PTPN9: variants seen among roughly 807,000 people sequenced by gnomAD.
PTPN9 encodes protein tyrosine phosphatase non-receptor type 9, also known as tyrosine-protein phosphatase non-receptor type 9.
PTPN9 carries 26 observed loss-of-function variants against 69.8 expected under a neutral mutation model. That is an observed-to-expected ratio of 0.37 (90% CI 0.27 to 0.52). The LOEUF is 0.52. Ranked by LOEUF, PTPN9 falls within the 20% of genes least tolerant of loss-of-function variation. The probability of loss-of-function intolerance (pLI) is 0.91; values close to 1 mark genes in which losing one functional copy is unlikely to be tolerated. For synonymous variants in PTPN9, 274 were observed against 272.5 expected, an observed-to-expected ratio of 1.01 and a Z score of -0.05; for missense variants, 549 against 740.3, an observed-to-expected ratio of 0.74 and a Z score of 3.00.
chr15:75,559,034 G>A (rs1279199708), intron 1 of PTPN9, among the ~76,000 whole-genome samples: 1 of 151,706 alleles, frequency 6.6e-6, no homozygotes, highest in Non-Finnish European at 1.5e-5. Context: ...TGCCAGGTCT[G>A]GGAAGTGAGG....
intron 9 of PTPN9, 35 bp downstream of exon 9, chr15:75,479,813 C>T (rs2074617816): frequency 6.5e-7 from 1 of 1,531,826 alleles, no homozygotes; most frequent in Non-Finnish European, 8.9e-7. Flanking sequence ...AAGTAGATGG[C>T]ACAAAATCAA....
rs904660595 is a variant in PTPN9 at position 75,564,854 on chromosome 15, G to A, written c.63+13860C>T. ...CACGGTGGCTCACGACTGTAATCCCGGCACTTTGGGAGCCTGAGGCGGGCA... is the reference window on the plus strand; with the variant it reads ...CACGGTGGCTCACGACTGTAATCCCAGCACTTTGGGAGCCTGAGGCGGGCA... On this transcript the variant is annotated intron_variant, in intron 1 of 12. Transcript: ENST00000618819. Among the ~76,000 whole-genome samples the A allele has an allele frequency of 6.0e-5, 9 of 151,228 alleles. No individual in the cohort carries two copies. The South Asian group carries it at 8.4e-4, about 14-fold the overall frequency.
chr15:75,506,894 T>C (rs1437053808), intron 6 of PTPN9, among the ~76,000 whole-genome samples: 2 of 151,990 alleles, frequency 1.3e-5, no homozygotes, highest in African/African-American at 4.8e-5. Context: ...CTGTGAAGTC[T>C]TTCCTGACTG....
At chr15:75,576,104 C>T (rs1350244144) in intron 1 of PTPN9, among the ~76,000 whole-genome samples, 3 of 149,500 alleles carry the variant, frequency 2.0e-5, no homozygotes, top group South Asian at 2.2e-4. Context: ...GTGGCACGCA[C>T]GCCTGAAGTC....
At chr15:75,476,504 G>A (rs1467189639) in intron 9 of PTPN9, among the ~76,000 whole-genome samples, 1 of 152,054 alleles carries the variant, frequency 6.6e-6, no homozygotes, top group African/African-American at 2.4e-5. Context: ...TAGTAGAGAG[G>A]GGGTTTCATC....
At chr15:75,486,959 T>C (rs1273364751) in intron 8 of PTPN9, among the ~76,000 whole-genome samples, 1 of 151,824 alleles carries the variant, frequency 6.6e-6, no homozygotes, top group Non-Finnish European at 1.5e-5. Context: ...TAATTTTTTG[T>C]ATTTTTTAGT....
rs368851925 is a variant in PTPN9, at chr15:75,480,814, G to A, written c.1063-900C>T. On this transcript the variant is annotated intron_variant, in intron 8 of 12. Coordinates refer to ENST00000618819, the MANE Select transcript of PTPN9 (RefSeq NM_002833.4). ...GCGGCTGGAGGAGCGGACGGGCCCC[G>A]CGGGGCCCGAGGGCAAGGAGCAGCC... The A allele has an allele frequency of 5.9e-3, 3,614 of 613,700 alleles. 130 individuals carry two copies. In the East Asian group the frequency reaches 0.11, roughly 19 times the overall value. 38.0% of individuals were successfully genotyped at this position (613,700 alleles called of 1,614,324 possible). A position where few individuals can be genotyped will look rare whatever the true frequency, so the allele number is the denominator to read the frequency against.
At chr15:75,515,856 C>T (rs1466606141) in intron 5 of PTPN9, among the ~76,000 whole-genome samples, 1 of 151,900 alleles carries the variant, frequency 6.6e-6, no homozygotes, top group African/African-American at 2.4e-5. Flanking sequence ...GACATCGCGC[C>T]ACCGCACTCC....
At chr15:75,524,095 T>TAA (rs2074916398) in intron 3 of PTPN9, 114 bp downstream of exon 3, 1 of 403,476 alleles carries the variant, frequency 2.5e-6, no homozygotes. Flanking sequence ...CCCTAAAACT[T>TAA]AAAGTATAAT....
intron 7 of PTPN9, among the ~76,000 whole-genome samples, chr15:75,496,498 C>CTT (rs34799690): frequency 1.4e-5 from 2 of 146,692 alleles, no homozygotes; most frequent in Non-Finnish European, 3.0e-5. Context: ...GTATTATTAA[C>CTT]TTTTTTTTTT....
chr15:75,520,484 G>GATAGATAA (rs1567500031), intron 4 of PTPN9, among the ~76,000 whole-genome samples: 40 of 62,878 alleles, frequency 6.4e-4, no homozygotes, highest in African/African-American at 1.9e-3. Context: ...ATAGATAGAT[G>GATAGATAA]TGTGTGTGTT....
intron 1 of PTPN9, among the ~76,000 whole-genome samples, chr15:75,574,338 C>A (rs2075162088): frequency 6.6e-6 from 1 of 150,530 alleles, no homozygotes; most frequent in Non-Finnish European, 1.5e-5. Context: ...TTTATGAATG[C>A]TTCTTTGCGG....
Position 75,466,509 on chromosome 15 carries a change from C to T in PTPN9, c.*2260G>A, listed in dbSNP as rs2074537042. 6.6e-6 allele frequency: 1 copy of T among 152,138 alleles called. No individual in the cohort carries two copies. Among genetic ancestry groups the T allele is most frequent in the Non-Finnish European group, 1.5e-5 (1 of 68,032 alleles). The allele number at this position is 152,138 out of a possible 1,614,324, so 9.4% of individuals were successfully genotyped here. A position where few individuals can be genotyped will look rare whatever the true frequency, so the allele number is the denominator to read the frequency against. On this transcript the variant is annotated 3_prime_UTR_variant, in exon 13 of 13. Coordinates refer to ENST00000618819, the MANE Select transcript of PTPN9 (RefSeq NM_002833.4). ...GAGTCTCCTGGGGAGAATGATAACCCCTTTGGTACGCTGCAGACATGAGGA... is the reference window on the plus strand; with the variant it reads ...GAGTCTCCTGGGGAGAATGATAACCTCTTTGGTACGCTGCAGACATGAGGA...
intron 1 of PTPN9, among the ~76,000 whole-genome samples, chr15:75,552,292 A>G (rs911820168): frequency 1.3e-5 from 2 of 152,006 alleles, no homozygotes; most frequent in African/African-American, 4.8e-5. Context: ...CTGTATTCCC[A>G]GCTACTCGGG....
At chr15:75,538,355 T>C (rs1387486619) in intron 1 of PTPN9, among the ~76,000 whole-genome samples, 3 of 151,914 alleles carry the variant, frequency 2.0e-5, no homozygotes, top group Admixed American at 2.0e-4. Flanking sequence ...GCACTGAAGG[T>C]CATACCTAAC....
chr15:75,519,043 C>T (rs907670810), intron 4 of PTPN9, among the ~76,000 whole-genome samples: 1 of 152,150 alleles, frequency 6.6e-6, no homozygotes, highest in African/African-American at 2.4e-5. Flanking sequence ...CAAGAGTTTT[C>T]ACATCTATTT....
At chr15:75,530,597 A>ATAATATACTATAATATATAT (rs2074953640) in intron 1 of PTPN9, among the ~76,000 whole-genome samples, 1 of 80,336 alleles carries the variant, frequency 1.2e-5, no homozygotes, top group Non-Finnish European at 2.2e-5. Context: ...ATATATTATT[A>ATAATATACTATAATATATAT]TATTATAATA....
At chr15:75,491,131 G>A (rs551298577) in intron 7 of PTPN9, among the ~76,000 whole-genome samples, 2 of 151,958 alleles carry the variant, frequency 1.3e-5, no homozygotes, top group Non-Finnish European at 2.9e-5. Context: ...AGCTGGGTGT[G>A]GTGGCTCATG....
In PTPN9 at chr15:75,468,870, G is replaced by T; in HGVS notation, c.1681C>A (p.Pro561Thr). 6.2e-7 allele frequency: 1 copy of T among 1,614,176 alleles called. No homozygotes were observed. The highest frequency in any genetic ancestry group is 8.5e-7 in the Non-Finnish European group (1 of 1,180,026). Reference sequence around the variant, plus strand: ...TTGTAGCAAAAATAGTACTGCTCAGGGGTCTGGATGCTGAAGGCCCTCTGG... The same window carrying T: ...TTGTAGCAAAAATAGTACTGCTCAGTGGTCTGGATGCTGAAGGCCCTCTGG... Reference protein sequence around the residue: ...RTQRAFSIQTPEQYYFCYKAI... With the variant: ...RTQRAFSIQTTEQYYFCYKAI... Residue 561 changes from proline to threonine, a missense_variant, in exon 13 of 13, where the codon CCT becomes ACT. By Grantham distance (38) the Pro-to-Thr change is conservative. This residue lies in a region of PTPN9 where 457 missense variants were observed against 661.9 expected (regional missense o/e 0.69). Coordinates refer to ENST00000618819, the MANE Select transcript of PTPN9 (RefSeq NM_002833.4).
Sources: allele counts gnomAD v4.1 joint callset (sites outside exome capture counted in the v4.1 genomes callset), GRCh38; gene constraint gnomAD v4.1.1; regional missense constraint gnomAD v4.1.1; transcripts MANE v1.5; gene names NCBI Gene and HGNC (gene_info 2026-07-23, HGNC 2026-07-21).